Variants in KCNQ2 observed in about 807,000 individuals in gnomAD.
KCNQ2 encodes potassium voltage-gated channel subfamily KQT member 2.
In KCNQ2, 14 loss-of-function variants were observed where a neutral mutation model predicts 84.8. The observed-to-expected ratio is 0.17, with a 90% CI of 0.11 to 0.26. KCNQ2 has a LOEUF of 0.26. Among genes scored for constraint, KCNQ2 ranks in the 10% least tolerant of loss-of-function variants. KCNQ2 has a pLI of 1.00. For missense variants in KCNQ2, 788 were observed against 1,254.0 expected (o/e 0.63, Z 5.61); for synonymous variants, 599 against 554.1 (o/e 1.08, Z -1.14).
chr20:63,426,517 A>G lies in KCNQ2; in HGVS notation c.1217+1850T>C, dbSNP rs1288938583. 3.4e-5 allele frequency among the ~76,000 whole-genome samples: 5 copies of G among 146,370 alleles called. No individual in the cohort carries two copies. In the South Asian group the frequency reaches 1.1e-3, roughly 31 times the overall value. On this transcript the variant is annotated intron_variant, in intron 10 of 16. Transcript: ENST00000359125. ...CTGAATGCCTTTTTTTTTTTTTTTA[A>G]TAGTCTTTTGGCGGATCGGCCAGGT...
rs564048491 is a variant in KCNQ2, at chr20:63,437,958, C to T, written c.1023+667G>A. On this transcript the variant is annotated intron_variant, in intron 7 of 16. Transcript: ENST00000359125. The stretch of plus-strand genomic sequence containing the variant: ...CCGAGTAGCTGGGATTACAGACGCA[C>T]GCCACCACGCCCAGCTAATTTTTGT... Among the ~76,000 whole-genome samples the T allele has an allele frequency of 3.9e-5, 6 of 152,234 alleles. No homozygotes were observed. The South Asian group carries it at 8.3e-4, about 21-fold the overall frequency.
chr20:63,434,098 G>A (rs2080915565), intron 7 of KCNQ2, 195 bp from the exon 8 acceptor site: 3 of 573,134 alleles, frequency 5.2e-6, no homozygotes, highest in Non-Finnish European at 6.2e-6. Flanking sequence ...AGGACAGACA[G>A]GCAAGCCCGC....
At position 63,446,678 on chromosome 20, in the gene KCNQ2, A is replaced by C. The variant is rs1013056320; in HGVS notation, c.387+69T>G. 16 of 1,327,486 alleles carry C rather than the reference A, an allele frequency of 1.2e-5. No individual in the cohort carries two copies. The African/African-American group carries it at 2.3e-4, about 19-fold the overall frequency. The allele number at this position is 1,327,486 out of a possible 1,614,324, so 82.2% of individuals were successfully genotyped here. A position where few individuals can be genotyped will look rare whatever the true frequency, so the allele number is the denominator to read the frequency against. On this transcript the variant is annotated intron_variant, in intron 2 of 16. Coordinates refer to ENST00000359125, the MANE Select transcript of KCNQ2 (RefSeq NM_172107.4). This position sits in a 1 kb window ranked among gnomAD's most constrained non-coding sequence, Gnocchi z 5.5. ...GAGGCCCTGTAGTAACAGGAACGGA[A>C]GACAGACGCCCAGGCAGCTCCAGCT...
rs1160774081 is a variant in KCNQ2, at chr20:63,408,332, CCT to C, written c.1887+79_1887+80del. 6.4e-7 allele frequency: 1 copy of C among 1,567,366 alleles called. No individual in the cohort carries two copies. Among genetic ancestry groups the C allele is most frequent in the Non-Finnish European group, 8.7e-7 (1 of 1,154,968 alleles). ...GAGGAGCCCTCCGTGGCACCCAGCC[CCT>C]GAAGCCCACACTGCCACAGGTTGAC... is the stretch of plus-strand genomic sequence containing the variant. On this transcript the variant is annotated intron_variant, in intron 16 of 16. Coordinates refer to ENST00000359125, the MANE Select transcript of KCNQ2 (RefSeq NM_172107.4). This position sits in a 1 kb window ranked among gnomAD's most constrained non-coding sequence, Gnocchi z 5.0.
intron 15 of KCNQ2, among the ~76,000 whole-genome samples, chr20:63,409,050 C>T (rs1407600601): frequency 1.3e-5 from 2 of 152,180 alleles, no homozygotes; most frequent in African/African-American, 4.8e-5. Flanking sequence ...CTGATGGGGA[C>T]GGAGTTAAAT....
rs1254109006 is a variant in KCNQ2, at chr20:63,400,935, C to T, written c.*5709G>A. On this transcript the variant is annotated 3_prime_UTR_variant, in exon 17 of 17. Coordinates refer to ENST00000359125, the MANE Select transcript of KCNQ2 (RefSeq NM_172107.4). The surrounding 1 kb of genome is among the most constrained non-coding windows in gnomAD (Gnocchi z 8.7). ...GGCATGGGGCGACCTCAGGGAGTTC[C>T]TGTCCACATGCATTAAGGCAACGAC... is the stretch of plus-strand genomic sequence containing the variant. The T allele has an allele frequency of 1.0e-5, 4 of 398,056 alleles. No homozygotes were observed. The highest frequency in any genetic ancestry group is 1.8e-5 in the Non-Finnish European group (4 of 225,728). 24.7% of individuals were successfully genotyped at this position (398,056 alleles called of 1,614,324 possible). A position where few individuals can be genotyped will look rare whatever the true frequency, so the allele number is the denominator to read the frequency against.
chr20:63,471,267 CGGCCGCACA>C (rs1286174087), intron 1 of KCNQ2: 2 of 152,288 alleles, frequency 1.3e-5, no homozygotes, highest in African/African-American at 4.8e-5. Context: ...CTGTGCACAC[CGGCCGCACA>C]GGCCGCACAC....
chr20:63,431,327 A>G lies in KCNQ2; in HGVS notation c.1148+13T>C, dbSNP rs760622163. ...ACACACACACACAGGGCTTCTGTCC[A>G]TGCATTTCCTACCTGGAGGCCCCGT... On this transcript the variant is annotated intron_variant, in intron 9 of 16. Coordinates refer to ENST00000359125, the MANE Select transcript of KCNQ2 (RefSeq NM_172107.4). 3 of 1,613,544 alleles carry G rather than the reference A, an allele frequency of 1.9e-6. No individual in the cohort carries two copies. The highest frequency in any genetic ancestry group is 2.5e-6 in the Non-Finnish European group (3 of 1,179,758).
intron 1 of KCNQ2, among the ~76,000 whole-genome samples, chr20:63,454,768 A>G (rs2081727302): frequency 6.6e-6 from 1 of 152,236 alleles, no homozygotes; most frequent in South Asian, 2.1e-4. Context: ...GGCATCCCCC[A>G]GGCCTCGGGA....
chr20:63,412,025 G>A (rs886764302), intron 15 of KCNQ2: 10 of 597,530 alleles, frequency 1.7e-5, no homozygotes, highest in Admixed American at 3.0e-5. Context: ...GGGTGTGGAC[G>A]CCGCCTCGCT....
intron 8 of KCNQ2, among the ~76,000 whole-genome samples, 167 bp from the exon 9 acceptor site, chr20:63,431,536 T>A (rs2080787348): frequency 6.6e-6 from 1 of 151,304 alleles, no homozygotes; most frequent in South Asian, 2.1e-4. Flanking sequence ...CTGAGAGAGG[T>A]CACTTTGCAG....
chr20:63,432,283 C>T (rs1252443314), intron 8 of KCNQ2, among the ~76,000 whole-genome samples: 1 of 148,972 alleles, frequency 6.7e-6, no homozygotes, highest in African/African-American at 2.5e-5. Flanking sequence ...GAAGTCCCCA[C>T]CCTCAGGGAA....
intron 15 of KCNQ2, chr20:63,411,969 C>T (rs1379100391): frequency 1.0e-5 from 7 of 678,290 alleles, no homozygotes; most frequent in Admixed American, 6.9e-5. Context: ...CTGGCGGAAA[C>T]GGAAGCAACA....
chr20:63,428,428 G>T lies in KCNQ2; in HGVS notation c.1156C>A (p.Pro386Thr), dbSNP rs1394738986. 6.3e-7 allele frequency: 1 copy of T among 1,588,898 alleles called. No homozygotes were observed. The highest frequency in any genetic ancestry group is 8.6e-7 in the Non-Finnish European group (1 of 1,168,066). ...AGCAGCTCCAGCTGGTTCAGCGGGG[G>T]GATAAGTCTGGGGCAAGAGAAGGAG... is the stretch of plus-strand genomic sequence containing the variant. The part of the protein sequence containing the change: ...TQTYGASRLI[P>T]PLNQLELLRN... Residue 386 changes from proline (P) to threonine (T), a missense_variant, in exon 10 of 17, where the codon CCC becomes ACC. Around this residue, in one of 8 missense-constraint regions of KCNQ2, gnomAD observed 202 missense variants for 239.4 expected, o/e 0.84. Coordinates refer to ENST00000359125, the MANE Select transcript of KCNQ2 (RefSeq NM_172107.4).
chr20:63,462,677 G>A (rs1033188585), intron 1 of KCNQ2, among the ~76,000 whole-genome samples: 23 of 152,202 alleles, frequency 1.5e-4, no homozygotes, highest in Admixed American at 2.0e-4. Flanking sequence ...TCATCCTGCC[G>A]ACCTGCACCT....
rs2081426565 is a variant in KCNQ2, at chr20:63,446,384, A to C, written c.387+363T>G. 6.6e-6 allele frequency among the ~76,000 whole-genome samples: 1 copy of C among 151,920 alleles called. No individual in the cohort carries two copies. The highest frequency in any genetic ancestry group is 1.5e-5 in the Non-Finnish European group (1 of 67,982). On this transcript the variant is annotated intron_variant, in intron 2 of 16. Transcript: ENST00000359125. This position sits in a 1 kb window ranked among gnomAD's most constrained non-coding sequence, Gnocchi z 5.5. ...GGTTGCTGCAAGCGTCACAGCCCCCACCCCGACGCCCACGTCTGCCGTCTG... is the reference window on the plus strand; with the variant it reads ...GGTTGCTGCAAGCGTCACAGCCCCCCCCCCGACGCCCACGTCTGCCGTCTG...
chr20:63,451,515 A>ACAGCATCAATAAAAAC (rs2081615534), intron 1 of KCNQ2, among the ~76,000 whole-genome samples: 1 of 152,106 alleles, frequency 6.6e-6, no homozygotes, highest in South Asian at 2.1e-4. Context: ...TGTGATTGAA[A>ACAGCATCAATAAAAAC]CAGCATCAAT....
rs142065597 is a variant in KCNQ2 at position 63,425,834 on chromosome 20, G to A, written c.1218-1628C>T. On this transcript the variant is annotated intron_variant, in intron 10 of 16. Transcript: ENST00000359125. The surrounding 1 kb of genome is among the most constrained non-coding windows in gnomAD (Gnocchi z 5.5). ...AGACCGTGGGTGTGCGCCAACCTGG[G>A]GCTAAAGTCCTCCATGCATGGGCTT... 4.5e-3 allele frequency among the ~76,000 whole-genome samples: 693 copies of A among 152,322 alleles called. 7 individuals carry two copies. Among genetic ancestry groups the A allele is most frequent in the African/African-American group, 0.014 (590 of 41,570 alleles).
intron 12 of KCNQ2, 114 bp downstream of exon 12, chr20:63,419,505 G>A (rs1299491912): frequency 9.3e-7 from 1 of 1,073,152 alleles, no homozygotes; most frequent in Non-Finnish European, 1.4e-6. Context: ...CGGTGGGTCA[G>A]AATTGGGGTT....
Sources: gnomAD v4.1 joint callset for allele counts (sites outside exome capture counted in the v4.1 genomes callset) on GRCh38, gnomAD v4.1.1 for gene constraint, gnomAD v4.1.1 regional missense constraint, Gnocchi (gnomAD v3.1) non-coding constraint, MANE v1.5 for transcripts, NCBI Gene and HGNC (gene_info 2026-07-23, HGNC 2026-07-21) for gene names.